LOC128092252: variants seen among roughly 807,000 people sequenced by gnomAD.
the LOC128092252 span, among the ~76,000 whole-genome samples, chr15:50,659,621 T>C: frequency 3.9e-5 from 6 of 152,166 alleles, no homozygotes; most frequent in Non-Finnish European, 7.3e-5. Context: ...TATTGCAAAG[T>C]GGAATTAATA....
chr15:50,679,512 A>T, the LOC128092252 span, among the ~76,000 whole-genome samples: 4 of 62,110 alleles, frequency 6.4e-5, no homozygotes, highest in East Asian at 4.1e-4. Context: ...TATATATATA[A>T]TATATATATA....
At chr15:50,662,054 C>T in the LOC128092252 span, among the ~76,000 whole-genome samples, 2 of 152,140 alleles carry the variant, frequency 1.3e-5, no homozygotes, top group East Asian at 3.9e-4. Flanking sequence ...CCTGTTTCTA[C>T]TAAAAATACA....
chr15:50,682,286 G>C, the LOC128092252 span, among the ~76,000 whole-genome samples: 4 of 150,868 alleles, frequency 2.7e-5, no homozygotes, highest in African/African-American at 9.7e-5. Flanking sequence ...TCCTTTAACA[G>C]GGTTCTAAAA....
At chr15:50,662,184 T>C in the LOC128092252 span, among the ~76,000 whole-genome samples, 2 of 152,140 alleles carry the variant, frequency 1.3e-5, no homozygotes, top group Non-Finnish European at 2.9e-5. Flanking sequence ...AAACCCCATC[T>C]CTACTAAAAA....
the LOC128092252 span, among the ~76,000 whole-genome samples, chr15:50,663,488 A>T: frequency 2.0e-5 from 3 of 152,154 alleles, no homozygotes; most frequent in African/African-American, 7.2e-5. Context: ...TAATCTGAGG[A>T]TGGCACCCCA....
the LOC128092252 span, among the ~76,000 whole-genome samples, chr15:50,666,483 GGAA>G: frequency 4.0e-5 from 6 of 151,508 alleles, no homozygotes; most frequent in East Asian, 5.9e-4. Flanking sequence ...AGGAAGAAGA[GGAA>G]GAAGAAAACG....
the LOC128092252 span, among the ~76,000 whole-genome samples, chr15:50,654,880 A>G: frequency 1.3e-5 from 2 of 150,142 alleles, no homozygotes; most frequent in Non-Finnish European, 3.0e-5. Context: ...AGGCACCTGT[A>G]GTCCCAGCTA....
At chr15:50,675,510 G>C in the LOC128092252 span, among the ~76,000 whole-genome samples, 1 of 152,018 alleles carries the variant, frequency 6.6e-6, no homozygotes, top group Non-Finnish European at 1.5e-5. Context: ...TGTTACACAG[G>C]AATCGGCTTC....
the LOC128092252 span, among the ~76,000 whole-genome samples, chr15:50,671,052 A>G: frequency 4.6e-5 from 7 of 152,112 alleles, no homozygotes; most frequent in African/African-American, 1.7e-4. Flanking sequence ...CTCACATACT[A>G]TTTTTTTGTG....
chr15:50,649,511 A>G, the LOC128092252 span, among the ~76,000 whole-genome samples: 11 of 152,148 alleles, frequency 7.2e-5, no homozygotes, highest in Admixed American at 6.6e-4. Context: ...ACCACTAATA[A>G]TACTACAGAA....
At chr15:50,677,483 A>G in the LOC128092252 span, among the ~76,000 whole-genome samples, 1 of 152,116 alleles carries the variant, frequency 6.6e-6, no homozygotes, top group Non-Finnish European at 1.5e-5. Flanking sequence ...GCTCACACCT[A>G]TAATCCCAGC....
chr15:50,664,388 A>C, the LOC128092252 span, among the ~76,000 whole-genome samples: 1 of 152,228 alleles, frequency 6.6e-6, no homozygotes, highest in South Asian at 2.1e-4. Flanking sequence ...AAATACCTAA[A>C]GCATAAGGGC....
the LOC128092252 span, among the ~76,000 whole-genome samples, chr15:50,655,851 A>G: frequency 6.6e-6 from 1 of 152,040 alleles, no homozygotes; most frequent in African/African-American, 2.4e-5. Flanking sequence ...TTAGCCAGGC[A>G]TGGTGGTGTG....
chr15:50,666,404 G>A, the LOC128092252 span, among the ~76,000 whole-genome samples: 4 of 152,054 alleles, frequency 2.6e-5, no homozygotes, highest in Non-Finnish European at 4.4e-5. Context: ...TCATGCCACC[G>A]TACTCCAGCC....
At chr15:50,679,538 A>ATATATATATATATATAT in the LOC128092252 span, among the ~76,000 whole-genome samples, 3 of 43,900 alleles carry the variant, frequency 6.8e-5, no homozygotes, top group African/African-American at 3.2e-4. Flanking sequence ...ATATATATAT[A>ATATATATATATATATAT]TTTTTTTTTT....
At chr15:50,679,596 C>T in the LOC128092252 span, among the ~76,000 whole-genome samples, 1 of 136,298 alleles carries the variant, frequency 7.3e-6, no homozygotes, top group Non-Finnish European at 1.5e-5. Flanking sequence ...GGTGCAGTGG[C>T]GCAATCTGGA....
chr15:50,651,350 A>G, the LOC128092252 span, among the ~76,000 whole-genome samples: 1 of 152,248 alleles, frequency 6.6e-6, no homozygotes, highest in Non-Finnish European at 1.5e-5. Flanking sequence ...TCCAACTATT[A>G]AGACCATGCT....
At chr15:50,654,842 C>A in the LOC128092252 span, among the ~76,000 whole-genome samples, 39 of 135,314 alleles carry the variant, frequency 2.9e-4, no homozygotes, top group East Asian at 9.1e-4. Flanking sequence ...CTAAAAAAAA[C>A]CACAAAAAAC....
chr15:50,651,790 T>C, the LOC128092252 span, among the ~76,000 whole-genome samples: 1 of 152,108 alleles, frequency 6.6e-6, no homozygotes, highest in Admixed American at 6.5e-5. Context: ...CTCGGGAGGC[T>C]GAGGCAGAAT....
Sources: allele counts gnomAD v4.1 joint callset (sites outside exome capture counted in the v4.1 genomes callset), GRCh38; gene constraint gnomAD v4.1.1; transcripts MANE v1.5.